The following DDX10 variants were observed in gnomAD, a reference collection of about 807,000 sequenced individuals.
The protein encoded by DDX10 is probable ATP-dependent RNA helicase DDX10.
A neutral mutation model predicts 104.3 loss-of-function variants in DDX10; 74 were observed. The observed-to-expected ratio is 0.71, with a 90% CI of 0.59 to 0.86. The LOEUF is 0.86. Among genes scored for constraint, DDX10 ranks in the 40% least tolerant of loss-of-function variants. DDX10 has a pLI of 0.00. For missense variants in DDX10, 952 were observed against 1,040.0 expected (o/e 0.92, Z 1.16); for synonymous variants, 351 against 353.4 (o/e 0.99, Z 0.08).
intron 13 of DDX10, among the ~76,000 whole-genome samples, chr11:108,823,419 T>C (rs1006560453): frequency 6.6e-6 from 1 of 152,218 alleles, no homozygotes; most frequent in Admixed American, 6.5e-5. Context: ...GATTTAATAA[T>C]GTAAGCCATT....
chr11:108,713,365 G>A (rs950782346), intron 10 of DDX10, among the ~76,000 whole-genome samples: 10 of 152,076 alleles, frequency 6.6e-5, no homozygotes, highest in African/African-American at 2.2e-4. Flanking sequence ...TTGAAGTTCT[G>A]TTGTGTTGTT....
intron 16 of DDX10, among the ~76,000 whole-genome samples, chr11:108,880,464 A>C (rs1298083167): frequency 6.6e-6 from 1 of 152,182 alleles, no homozygotes; most frequent in Non-Finnish European, 1.5e-5. Flanking sequence ...GATATGTAAA[A>C]ATTAATTAGA....
At chr11:108,758,678 C>T (rs1026074014) in intron 13 of DDX10, among the ~76,000 whole-genome samples, 4 of 152,014 alleles carry the variant, frequency 2.6e-5, no homozygotes, top group South Asian at 2.1e-4. Flanking sequence ...AACAGTGGGT[C>T]AAGTGCCAAA....
At chr11:108,708,175 T>C (rs1196425171) in intron 10 of DDX10, among the ~76,000 whole-genome samples, 1 of 147,096 alleles carries the variant, frequency 6.8e-6, no homozygotes, top group East Asian at 2.0e-4. Context: ...TTTATCAAGG[T>C]GAGGAAATTG....
intron 16 of DDX10, among the ~76,000 whole-genome samples, chr11:108,916,050 T>A (rs538107931): frequency 2.2e-4 from 33 of 151,984 alleles, no homozygotes; most frequent in South Asian, 1.2e-3. Context: ...ATATATTTTT[T>A]AAATTTTTAA....
intron 13 of DDX10, among the ~76,000 whole-genome samples, chr11:108,736,151 GTTCT>G (rs1434958855): frequency 1.7e-5 from 2 of 114,826 alleles, no homozygotes; most frequent in African/African-American, 5.7e-5. Flanking sequence ...TGCTTCCCTA[GTTCT>G]TTTTTTTTTT....
At chr11:108,668,231 C>T (rs1455685565) in intron 1 of DDX10, among the ~76,000 whole-genome samples, 1 of 152,148 alleles carries the variant, frequency 6.6e-6, no homozygotes, top group Non-Finnish European at 1.5e-5. Context: ...TAAGGCACAG[C>T]AAGGTTAAAT....
intron 1 of DDX10, among the ~76,000 whole-genome samples, chr11:108,669,112 A>C (rs1157297722): frequency 1.4e-5 from 2 of 138,358 alleles, no homozygotes; most frequent in Non-Finnish European, 3.1e-5. Flanking sequence ...TTTTTTTTTT[A>C]AGATGGAGTC....
intron 15 of DDX10, among the ~76,000 whole-genome samples, chr11:108,848,768 T>C (rs1345548242): frequency 6.6e-6 from 1 of 151,822 alleles, no homozygotes; most frequent in African/African-American, 2.4e-5. Context: ...GTTGGAGAGG[T>C]GGGTTGGTTA....
At position 108,851,182 on chromosome 11, in the gene DDX10, A is replaced by G. The variant is rs530494963; in HGVS notation, c.2248-971A>G. 6.6e-5 allele frequency among the ~76,000 whole-genome samples: 10 copies of G among 152,212 alleles called. No homozygotes were observed. In the South Asian group the frequency reaches 2.1e-3, roughly 32 times the overall value. On this transcript the variant is annotated intron_variant, in intron 15 of 17. Coordinates refer to ENST00000322536, the MANE Select transcript of DDX10 (RefSeq NM_004398.4). ...TCGTAGAATAACATAAAATATAGTTATATTCCATTTTAGTGTCTAACACAG... is the reference window on the plus strand; with the variant it reads ...TCGTAGAATAACATAAAATATAGTTGTATTCCATTTTAGTGTCTAACACAG...
chr11:108,936,293 T>C (rs1209772312), intron 17 of DDX10, among the ~76,000 whole-genome samples: 5 of 152,196 alleles, frequency 3.3e-5, no homozygotes, highest in Admixed American at 6.5e-5. Flanking sequence ...TCTTTATTAT[T>C]TGGATTATTG....
At chr11:108,805,118 C>A (rs1463368581) in intron 13 of DDX10, among the ~76,000 whole-genome samples, 1 of 152,204 alleles carries the variant, frequency 6.6e-6, no homozygotes, top group Non-Finnish European at 1.5e-5. Context: ...GGTAAATAAA[C>A]CTCAAGTGAT....
intron 15 of DDX10, among the ~76,000 whole-genome samples, chr11:108,851,943 T>C (rs1862798227): frequency 6.6e-6 from 1 of 152,208 alleles, no homozygotes; most frequent in Non-Finnish European, 1.5e-5. Context: ...GTAAGTGATA[T>C]AGAACTGGGA....
intron 17 of DDX10, among the ~76,000 whole-genome samples, chr11:108,934,947 T>G (rs565451967): frequency 6.6e-6 from 1 of 152,296 alleles, no homozygotes; most frequent in South Asian, 2.1e-4. Context: ...CCGCTGGAAG[T>G]CGAATTCGCA....
At chr11:108,829,831 A>G (rs1268606073) in intron 13 of DDX10, among the ~76,000 whole-genome samples, 2 of 152,198 alleles carry the variant, frequency 1.3e-5, no homozygotes, top group Non-Finnish European at 2.9e-5. Context: ...CTATTTGTCG[A>G]ATAGTGTGTG....
chr11:108,854,646 C>T (rs982336270), intron 16 of DDX10, among the ~76,000 whole-genome samples: 10 of 152,238 alleles, frequency 6.6e-5, no homozygotes, highest in African/African-American at 2.4e-4. Flanking sequence ...GGAGGACTCA[C>T]GTAGCTGTCT....
At chr11:108,719,748 T>A (rs981892433) in intron 11 of DDX10, 49 bp from the exon 12 acceptor site, 1 of 1,219,290 alleles carries the variant, frequency 8.2e-7, no homozygotes, top group Non-Finnish European at 1.2e-6. Context: ...TGGTCTAAAC[T>A]CATTTTTAAT....
intron 13 of DDX10, among the ~76,000 whole-genome samples, chr11:108,794,323 A>G (rs1829291303): frequency 2.6e-5 from 4 of 152,102 alleles, no homozygotes; most frequent in South Asian, 2.1e-4. Flanking sequence ...CAGTTATGTA[A>G]TCTTTGAATA....
rs1406931108 is a variant in DDX10, at chr11:108,937,102, T to G, written c.2451-3144T>G. On this transcript the variant is annotated intron_variant, in intron 17 of 17. Transcript: ENST00000322536. ...CGGGAGATAAGGAATTGGAGATGGGTCTTGAAGGACAAGGGGAAGACCCAG... is the reference window on the plus strand; with the variant it reads ...CGGGAGATAAGGAATTGGAGATGGGGCTTGAAGGACAAGGGGAAGACCCAG... 2.0e-5 allele frequency among the ~76,000 whole-genome samples: 3 copies of G among 152,244 alleles called. No homozygotes were observed. The East Asian group carries it at 5.8e-4, about 29-fold the overall frequency.
Sources: gnomAD v4.1 joint callset for allele counts (sites outside exome capture counted in the v4.1 genomes callset) on GRCh38, gnomAD v4.1.1 for gene constraint, MANE v1.5 for transcripts, NCBI Gene and HGNC (gene_info 2026-07-23, HGNC 2026-07-21) for gene names.